The following CAMSAP2 variants were observed in gnomAD, a reference collection of about 807,000 sequenced individuals.
CAMSAP2 encodes calmodulin regulated spectrin associated protein family member 2, also known as calmodulin-regulated spectrin-associated protein 2.
CAMSAP2 carries 26 observed loss-of-function variants against 146.1 expected under a neutral mutation model. The observed-to-expected ratio is 0.18, with a 90% CI of 0.13 to 0.25. The LOEUF (loss-of-function observed/expected upper bound fraction) is 0.25. Among genes scored for constraint, CAMSAP2 ranks in the 10% least tolerant of loss-of-function variants. The probability of loss-of-function intolerance (pLI) is 1.00; values close to 1 mark genes in which losing one functional copy is unlikely to be tolerated. For synonymous variants in CAMSAP2, 499 were observed against 596.6 expected, an observed-to-expected ratio of 0.84 and a Z score of 2.38; for missense variants, 1,381 against 1,759.3, an observed-to-expected ratio of 0.78 and a Z score of 3.85.
Position 200,859,866 on chromosome 1 carries a change from T to G in CAMSAP2, c.*1807T>G, listed in dbSNP as rs183630742. On this transcript the variant is annotated 3_prime_UTR_variant, in exon 17 of 17. Coordinates refer to ENST00000358823, the MANE Select transcript of CAMSAP2 (RefSeq NM_203459.4). ...TTTAAAAAATTATAAATGAATCTAATCAAAATGTGAATAGTAGTCAAAAGG... is the reference window on the plus strand; with the variant it reads ...TTTAAAAAATTATAAATGAATCTAAGCAAAATGTGAATAGTAGTCAAAAGG... 1 of 152,350 alleles carries G rather than the reference T, an allele frequency of 6.6e-6. No homozygotes were observed. Among genetic ancestry groups the G allele is most frequent in the East Asian group, 1.9e-4 (1 of 5,280 alleles). 9.4% of individuals were successfully genotyped at this position (152,350 alleles called of 1,614,324 possible).
rs144329305 is a variant in CAMSAP2, at chr1:200,746,477, A to G, written c.139+6511A>G. On this transcript the variant is annotated intron_variant, in intron 1 of 16. Coordinates refer to ENST00000358823, the MANE Select transcript of CAMSAP2 (RefSeq NM_203459.4). ...AAGAGCGGGTTGGGGGGAAAGAACCATGTTGAGTTTGAGGAATATAAAATG... is the reference window on the plus strand; with the variant it reads ...AAGAGCGGGTTGGGGGGAAAGAACCGTGTTGAGTTTGAGGAATATAAAATG... Among the ~76,000 whole-genome samples the G allele has an allele frequency of 3.0e-3, 455 of 152,304 alleles. 2 individuals carry two copies. The highest frequency in any genetic ancestry group is 0.01 in the African/African-American group (428 of 41,546).
intron 6 of CAMSAP2, among the ~76,000 whole-genome samples, chr1:200,839,947 C>T (rs1667274999): frequency 6.6e-6 from 1 of 152,144 alleles, no homozygotes; most frequent in Non-Finnish European, 1.5e-5. Context: ...ATTCTTATTA[C>T]TTTTTTTAGT....
chr1:200,779,219 T>C (rs1004910304), intron 2 of CAMSAP2, among the ~76,000 whole-genome samples: 6 of 152,326 alleles, frequency 3.9e-5, no homozygotes, highest in Non-Finnish European at 8.8e-5. Flanking sequence ...CCCCAATCCC[T>C]TGTTGATGAA....
chr1:200,790,141 C>T (rs558931054), intron 2 of CAMSAP2, among the ~76,000 whole-genome samples: 1 of 152,122 alleles, frequency 6.6e-6, no homozygotes, highest in East Asian at 1.9e-4. Flanking sequence ...GTTTTTTTCT[C>T]CTTCTTTAGG....
intron 3 of CAMSAP2, among the ~76,000 whole-genome samples, chr1:200,810,016 T>C (rs35442900): frequency 0.13 from 19,613 of 152,172 alleles, 1,306 homozygotes; most frequent in East Asian, 0.17. Context: ...CATAACCCAG[T>C]CACCTCTTAA....
chr1:200,834,245 C>T (rs1667117897), intron 6 of CAMSAP2, among the ~76,000 whole-genome samples: 1 of 151,976 alleles, frequency 6.6e-6, no homozygotes, highest in Admixed American at 6.6e-5. Context: ...CACCTATAAT[C>T]CCAGCTACTT....
chr1:200,844,633 A>G (rs890588004), intron 7 of CAMSAP2, 149 bp from the exon 8 acceptor site: 30 of 465,700 alleles, frequency 6.4e-5, no homozygotes, highest in Non-Finnish European at 1.0e-4. Flanking sequence ...CCCTTTGAAA[A>G]TTATTTAAGA....
At chr1:200,792,174 T>C (rs1665772618) in intron 2 of CAMSAP2, among the ~76,000 whole-genome samples, 2 of 152,248 alleles carry the variant, frequency 1.3e-5, no homozygotes, top group Admixed American at 6.5e-5. Context: ...AAAACATTAA[T>C]GAGATAGTTT....
chr1:200,856,428 C>T (rs1389324941), intron 15 of CAMSAP2, among the ~76,000 whole-genome samples: 3 of 152,202 alleles, frequency 2.0e-5, no homozygotes, highest in Non-Finnish European at 4.4e-5. Flanking sequence ...TCCACCAAGT[C>T]CTCTCCCTAA....
At chr1:200,782,525 C>T (rs1269685579) in intron 2 of CAMSAP2, among the ~76,000 whole-genome samples, 2 of 152,104 alleles carry the variant, frequency 1.3e-5, no homozygotes, top group African/African-American at 2.4e-5. Flanking sequence ...TAATTTTTGC[C>T]TGTTCTAGAA....
At chr1:200,837,606 G>T (rs1667217315) in intron 6 of CAMSAP2, among the ~76,000 whole-genome samples, 1 of 152,054 alleles carries the variant, frequency 6.6e-6, no homozygotes, top group African/African-American at 2.4e-5. Flanking sequence ...TTAGTTCTAT[G>T]AAGAATATCA....
At chr1:200,775,993 A>T (rs1293806418) in intron 2 of CAMSAP2, among the ~76,000 whole-genome samples, 1 of 152,170 alleles carries the variant, frequency 6.6e-6, no homozygotes, top group African/African-American at 2.4e-5. Context: ...AAAACAAAAA[A>T]AAAAAGAAAA....
chr1:200,848,899 A>G lies in CAMSAP2; in HGVS notation c.2130A>G (p.Gln710=), dbSNP rs1340002944. The change falls in exon 11 of 17, where the codon CAA becomes CAG. Residue 710 remains glutamine, a synonymous_variant. Coordinates refer to ENST00000358823, the MANE Select transcript of CAMSAP2 (RefSeq NM_203459.4). ...TDGKSSGSSS[Q]KTTPEGSELN... is the part of the protein sequence containing the mutation. ...GAAAAAGTAGTGGAAGCAGTTCTCA[A>G]AAAACTACACCAGAAGGCTCTGAAC... is the stretch of plus-strand genomic sequence containing the variant. 1.2e-5 allele frequency: 20 copies of G among 1,614,190 alleles called. No individual in the cohort carries two copies. In the East Asian group the frequency reaches 4.0e-4, roughly 32 times the overall value.
At chr1:200,799,315 T>C (rs1049748247) in intron 2 of CAMSAP2, among the ~76,000 whole-genome samples, 1 of 152,022 alleles carries the variant, frequency 6.6e-6, no homozygotes, top group African/African-American at 2.4e-5. Flanking sequence ...TTTTTTTTGG[T>C]TGGTAGACTT....
intron 2 of CAMSAP2, among the ~76,000 whole-genome samples, chr1:200,801,131 G>T (rs1666025159): frequency 1.3e-5 from 2 of 152,110 alleles, no homozygotes; most frequent in Admixed American, 6.5e-5. Flanking sequence ...GGGCATGGTG[G>T]TGTGTGCCTA....
intron 12 of CAMSAP2, 145 bp downstream of exon 12, chr1:200,852,822 A>C: frequency 1.3e-6 from 1 of 794,104 alleles, no homozygotes; most frequent in Non-Finnish European, 1.9e-6. Context: ...TAGTATAGAT[A>C]GACAGCTGGA....
chr1:200,770,778 A>G (rs766366776), intron 2 of CAMSAP2, among the ~76,000 whole-genome samples: 4 of 152,166 alleles, frequency 2.6e-5, no homozygotes, highest in Admixed American at 1.3e-4. Context: ...ATTTTCTGAT[A>G]ATAACCAGAG....
intron 8 of CAMSAP2, among the ~76,000 whole-genome samples, chr1:200,846,197 C>CACTTT (rs1667456163): frequency 6.6e-6 from 1 of 152,136 alleles, no homozygotes; most frequent in Admixed American, 6.5e-5. Context: ...CATGGTGGGT[C>CACTTT]AATAGTGACA....
At chr1:200,788,317 A>G (rs548434517) in intron 2 of CAMSAP2, among the ~76,000 whole-genome samples, 1 of 152,366 alleles carries the variant, frequency 6.6e-6, no homozygotes, top group South Asian at 2.1e-4. Flanking sequence ...AGTTTTGGCA[A>G]TTATGAATAA....
Sources: gnomAD v4.1 joint callset for allele counts (sites outside exome capture counted in the v4.1 genomes callset) on GRCh38, gnomAD v4.1.1 for gene constraint, MANE v1.5 for transcripts, NCBI Gene and HGNC (gene_info 2026-07-23, HGNC 2026-07-21) for gene names.